Variants in PPP2R5C observed in about 807,000 individuals in gnomAD.
The protein encoded by PPP2R5C is protein phosphatase 2 regulatory subunit B'gamma.
PPP2R5C carries 7 observed loss-of-function variants against 68.9 expected under a neutral mutation model. The ratio of observed to expected loss-of-function variants is 0.10; its 90% CI spans 0.06 to 0.19. The LOEUF (loss-of-function observed/expected upper bound fraction) is 0.19, where lower values mean the gene tolerates loss of function less well. Among genes scored for constraint, PPP2R5C ranks in the 10% least tolerant of loss-of-function variants. PPP2R5C has a pLI of 1.00. For missense variants in PPP2R5C, 348 were observed against 641.3 expected (o/e 0.54, Z 4.94); for synonymous variants, 210 against 222.2 (o/e 0.95, Z 0.49).
At chr14:101,773,975 A>C (rs981919827) in intron 2 of PPP2R5C, among the ~76,000 whole-genome samples, 2 of 152,238 alleles carry the variant, frequency 1.3e-5, no homozygotes, top group African/African-American at 4.8e-5. Context: ...GATTACAGAC[A>C]TGAACCACTG....
At chr14:101,802,137 G>A (rs779535897) in intron 3 of PPP2R5C, among the ~76,000 whole-genome samples, 8 of 152,174 alleles carry the variant, frequency 5.3e-5, no homozygotes, top group Non-Finnish European at 1.0e-4. Context: ...GGACCTGGCC[G>A]GGCGCGGTGG....
rs1254710581 is a variant in PPP2R5C at position 101,891,432 on chromosome 14, T to TCAGTG, written c.689+1147_689+1151dup. On this transcript the variant is annotated intron_variant, in intron 6 of 13. Transcript: ENST00000334743. The surrounding 1 kb of genome is among the most constrained non-coding windows in gnomAD (Gnocchi z 4.9). ...GACAAACTTGGGCGGGGTTTCTCCC[T>TCAGTG]CAGTGCAGTGCAGTGAGTGGTGAAG... Among the ~76,000 whole-genome samples, 43 of 151,402 alleles carry TCAGTG rather than the reference T, an allele frequency of 2.8e-4. 1 individual carries two copies. Among genetic ancestry groups the TCAGTG allele is most frequent in the Admixed American group, 2.8e-3 (43 of 15,256 alleles).
At chr14:101,832,450 A>G (rs1303984218) in intron 1 of PPP2R5C, among the ~76,000 whole-genome samples, 1 of 152,226 alleles carries the variant, frequency 6.6e-6, no homozygotes, top group Non-Finnish European at 1.5e-5. Flanking sequence ...ATCCATTTAA[A>G]GCAAAATACC....
At chr14:101,918,815 C>T (rs1467877365) in intron 13 of PPP2R5C, among the ~76,000 whole-genome samples, 2 of 149,194 alleles carry the variant, frequency 1.3e-5, no homozygotes, top group Non-Finnish European at 3.0e-5. Context: ...TGCCGTGTTT[C>T]CCTGAGCGTC....
chr14:101,842,899 A>G (rs972967028), intron 1 of PPP2R5C, among the ~76,000 whole-genome samples: 2 of 151,790 alleles, frequency 1.3e-5, no homozygotes, highest in African/African-American at 4.8e-5. Context: ...CTTAAAACCA[A>G]GCAGAGAGTG....
chr14:101,779,511 T>C (rs1375243343), intron 2 of PPP2R5C, among the ~76,000 whole-genome samples: 1 of 152,128 alleles, frequency 6.6e-6, no homozygotes, highest in Non-Finnish European at 1.5e-5. Context: ...GGGCATTTCA[T>C]GCTGAAGAAA....
chr14:101,861,599 G>A (rs981167632), intron 2 of PPP2R5C, among the ~76,000 whole-genome samples: 1 of 152,160 alleles, frequency 6.6e-6, no homozygotes, highest in African/African-American at 2.4e-5. Context: ...TAGATTAATT[G>A]TATTATTTCA....
intron 2 of PPP2R5C, among the ~76,000 whole-genome samples, chr14:101,869,936 G>A (rs1174894427): frequency 6.6e-6 from 1 of 151,954 alleles, no homozygotes; most frequent in African/African-American, 2.4e-5. Context: ...CCAGGCGTGA[G>A]CCACCACACC....
chr14:101,875,820 G>A (rs1283636573), intron 2 of PPP2R5C, among the ~76,000 whole-genome samples: 2 of 152,114 alleles, frequency 1.3e-5, no homozygotes, highest in African/African-American at 4.8e-5. Flanking sequence ...TTCCATCTTT[G>A]TAATATGATC....
chr14:101,895,830 A>T (rs911158749), intron 8 of PPP2R5C, among the ~76,000 whole-genome samples: 1 of 152,104 alleles, frequency 6.6e-6, no homozygotes, highest in Non-Finnish European at 1.5e-5. Flanking sequence ...TTGGATATAT[A>T]TCCAGGAGTG....
intron 1 of PPP2R5C, chr14:101,818,050 T>C (rs2039828296): frequency 6.6e-6 from 1 of 152,358 alleles, no homozygotes; most frequent in Non-Finnish European, 1.5e-5. Flanking sequence ...TGCAGTTTGC[T>C]TGGCATTTCA....
chr14:101,805,843 C>CAGAGTAGA (rs1258182025), upstream of PPP2R5C, among the ~76,000 whole-genome samples: 1 of 152,164 alleles, frequency 6.6e-6, no homozygotes, highest in Non-Finnish European at 1.5e-5. Flanking sequence ...GTGAAGTACC[C>CAGAGTAGA]AGAGTAGACA....
intron 2 of PPP2R5C, among the ~76,000 whole-genome samples, chr14:101,769,684 G>C (rs1566822259): frequency 6.6e-6 from 1 of 151,882 alleles, no homozygotes; most frequent in Admixed American, 6.6e-5. Flanking sequence ...GAGTATTTTG[G>C]TTTTTTTCTT....
upstream of PPP2R5C, chr14:101,760,576 A>C: frequency 3.7e-6 from 2 of 534,078 alleles, no homozygotes; most frequent in Non-Finnish European, 4.6e-6. Context: ...TCGCGGCAAA[A>C]GCTGCGGAGG....
intron 3 of PPP2R5C, among the ~76,000 whole-genome samples, chr14:101,800,575 A>G (rs1362012021): frequency 6.6e-6 from 1 of 151,866 alleles, no homozygotes; most frequent in Non-Finnish European, 1.5e-5. Flanking sequence ...AATAAAATAA[A>G]AATTAAAAAT....
At chr14:101,918,085 A>G (rs1442594666) in intron 13 of PPP2R5C, 138 bp downstream of exon 15, 4 of 1,276,918 alleles carry the variant, frequency 3.1e-6, no homozygotes, top group Non-Finnish European at 4.3e-6. Flanking sequence ...GTCTTATAGG[A>G]AACATTGTAT....
At chr14:101,816,899 AATAT>A (rs1176948924) in intron 1 of PPP2R5C, among the ~76,000 whole-genome samples, 5 of 127,164 alleles carry the variant, frequency 3.9e-5, no homozygotes, top group Non-Finnish European at 6.3e-5. Flanking sequence ...ATATTATATA[AATAT>A]ATATATAATA....
chr14:101,845,540 T>C (rs1280687281), intron 1 of PPP2R5C, among the ~76,000 whole-genome samples: 1 of 150,376 alleles, frequency 6.6e-6, no homozygotes, highest in Non-Finnish European at 1.5e-5. Context: ...TGAACTAGAA[T>C]TTAGCTTCAA....
intron 3 of PPP2R5C, among the ~76,000 whole-genome samples, chr14:101,794,779 T>G (rs1431188210): frequency 6.6e-6 from 1 of 152,188 alleles, no homozygotes; most frequent in Non-Finnish European, 1.5e-5. Flanking sequence ...TGTCTTCTAG[T>G]TATTAGTTGT....
Sources: gnomAD v4.1 joint callset for allele counts (sites outside exome capture counted in the v4.1 genomes callset) on GRCh38, gnomAD v4.1.1 for gene constraint, Gnocchi (gnomAD v3.1) non-coding constraint, MANE v1.5 for transcripts, NCBI Gene and HGNC (gene_info 2026-07-23, HGNC 2026-07-21) for gene names.